Variants in GALK2 observed in about 807,000 individuals in gnomAD.
GALK2 encodes the protein N-acetylgalactosamine kinase.
Under a neutral mutation model 52.4 loss-of-function variants are expected in GALK2, and 36 were observed. That is an observed-to-expected ratio of 0.69 (90% CI 0.53 to 0.91). The LOEUF is 0.91. GALK2 is among the 40% of genes least tolerant of loss of function. The pLI is 0.00. For synonymous variants in GALK2, 176 were observed against 199.1 expected, an observed-to-expected ratio of 0.88 and a Z score of 0.98; for missense variants, 579 against 559.1, an observed-to-expected ratio of 1.04 and a Z score of -0.36.
At chr15:49,278,554 A>G (rs1418244658) in intron 5 of GALK2, among the ~76,000 whole-genome samples, 1 of 152,188 alleles carries the variant, frequency 6.6e-6, no homozygotes, top group Non-Finnish European at 1.5e-5. Flanking sequence ...CTTTTATTTG[A>G]AGTTTTAAAC....
chr15:49,175,597 C>T (rs953825754), intron 1 of GALK2, among the ~76,000 whole-genome samples: 1 of 152,074 alleles, frequency 6.6e-6, no homozygotes, highest in African/African-American at 2.4e-5. Flanking sequence ...TAAGGACATG[C>T]CCTTTTCTAG....
chr15:49,264,384 C>A (rs1010432906), intron 5 of GALK2, among the ~76,000 whole-genome samples: 9 of 152,294 alleles, frequency 5.9e-5, no homozygotes, highest in Non-Finnish European at 1.2e-4. Flanking sequence ...CTTCTGCATT[C>A]TTCACGTAGT....
intron 7 of GALK2, among the ~76,000 whole-genome samples, chr15:49,290,919 ACT>A (rs2033871828): frequency 6.6e-6 from 1 of 151,702 alleles, no homozygotes; most frequent in African/African-American, 2.4e-5. Flanking sequence ...TCAGTTTCCA[ACT>A]CTGTTATTAA....
intron 8 of GALK2, among the ~76,000 whole-genome samples, chr15:49,298,155 A>G (rs1260304481): frequency 6.6e-6 from 1 of 152,038 alleles, no homozygotes; most frequent in East Asian, 1.9e-4. Flanking sequence ...CTATATTCCT[A>G]AGTATTTCAT....
chr15:49,359,157 C>G (rs1216676350), intron 3 of GALK2, among the ~76,000 whole-genome samples: 2 of 150,192 alleles, frequency 1.3e-5, no homozygotes, highest in African/African-American at 4.9e-5. Context: ...CTAGGCATTA[C>G]CATTCAGGAC....
exon 1 of GALK2, chr15:49,155,824 G>C: frequency 2.7e-6 from 2 of 743,302 alleles, no homozygotes; most frequent in East Asian, 2.6e-5. Context: ...ACATCGTCCG[G>C]TGCTGCAGGT....
At chr15:49,217,016 A>G (rs1169259283) in intron 2 of GALK2, among the ~76,000 whole-genome samples, 174 bp from the exon 3 acceptor site, 1 of 152,084 alleles carries the variant, frequency 6.6e-6, no homozygotes, top group Non-Finnish European at 1.5e-5. Context: ...TAGTTGCTCA[A>G]TTTGGTGTAA....
intron 2 of GALK2, among the ~76,000 whole-genome samples, chr15:49,212,082 CTTT>C (rs1278054092): frequency 6.6e-6 from 1 of 151,896 alleles, no homozygotes; most frequent in African/African-American, 2.4e-5. Flanking sequence ...TTTGAATCTT[CTTT>C]ATTTTTTACT....
chr15:49,193,739 T>TA (rs1355768695), intron 1 of GALK2, among the ~76,000 whole-genome samples: 1 of 151,802 alleles, frequency 6.6e-6, no homozygotes, highest in Non-Finnish European at 1.5e-5. Flanking sequence ...TTTTTATTTT[T>TA]TTTTTTGAGA....
At chr15:49,269,219 G>A (rs2029974816) in intron 5 of GALK2, among the ~76,000 whole-genome samples, 1 of 152,194 alleles carries the variant, frequency 6.6e-6, no homozygotes, top group African/African-American at 2.4e-5. Context: ...CTCCCATGGT[G>A]TGTAGCATAG....
intron 3 of GALK2, among the ~76,000 whole-genome samples, chr15:49,341,014 G>A (rs527916506): frequency 6.6e-6 from 1 of 152,136 alleles, no homozygotes; most frequent in East Asian, 1.9e-4. Context: ...CATTTATTGA[G>A]TAGGAAGTCC....
chr15:49,361,026 G>A lies in GALK2; in HGVS notation c.427-6465G>A, dbSNP rs537711952. ...CAATAGAAATATTACCTGTGGGGTT[G>A]CGGAATAGGGAGGTTTTGGTTAAAG... On this transcript the variant is annotated intron_variant, in intron 3 of 3. Coordinates refer to the GALK2 transcript ENST00000558399. Among the ~76,000 whole-genome samples the A allele has an allele frequency of 1.1e-3, 174 of 152,180 alleles. 1 individual carries two copies. Among genetic ancestry groups the A allele is most frequent in the Non-Finnish European group, 1.6e-3 (111 of 68,006 alleles).
At chr15:49,355,506 T>C (rs1596460509) in intron 3 of GALK2, among the ~76,000 whole-genome samples, 1 of 151,810 alleles carries the variant, frequency 6.6e-6, no homozygotes, top group East Asian at 1.9e-4. Context: ...GAAGATGAAA[T>C]GAATGAAATG....
chr15:49,360,772 TAATG>T (rs1275126959), intron 3 of GALK2, among the ~76,000 whole-genome samples: 2 of 152,206 alleles, frequency 1.3e-5, no homozygotes, highest in Non-Finnish European at 2.9e-5. Context: ...AATGTTCTGC[TAATG>T]AATTAGTGTA....
downstream of GALK2, chr15:49,334,217 C>T: frequency 1.0e-6 from 1 of 979,722 alleles, no homozygotes; most frequent in Non-Finnish European, 1.2e-6. Context: ...AAGAGACAAA[C>T]CTATCAAGCT....
chr15:49,177,016 T>C (rs996066095), intron 1 of GALK2, among the ~76,000 whole-genome samples: 1 of 152,128 alleles, frequency 6.6e-6, no homozygotes, highest in African/African-American at 2.4e-5. Context: ...TTTAGAAATT[T>C]GTATTTTTTC....
At chr15:49,351,264 A>G (rs1482892829) in intron 3 of GALK2, among the ~76,000 whole-genome samples, 1 of 152,176 alleles carries the variant, frequency 6.6e-6, no homozygotes, top group Non-Finnish European at 1.5e-5. Context: ...CAATGCAAAA[A>G]TGACTACTAG....
chr15:49,305,320 A>C (rs2035460220), intron 8 of GALK2, among the ~76,000 whole-genome samples: 1 of 152,216 alleles, frequency 6.6e-6, no homozygotes, highest in African/African-American at 2.4e-5. Context: ...ATCATCATTC[A>C]TGTGGCAGGT....
At chr15:49,219,824 T>C (rs1472287521) in intron 3 of GALK2, among the ~76,000 whole-genome samples, 1 of 152,002 alleles carries the variant, frequency 6.6e-6, no homozygotes, top group East Asian at 1.9e-4. Flanking sequence ...AAAAAAGATA[T>C]TTTCTGCTTG....
Sources: allele counts gnomAD v4.1 joint callset (sites outside exome capture counted in the v4.1 genomes callset), GRCh38; gene constraint gnomAD v4.1.1; transcripts MANE v1.5; gene names NCBI Gene and HGNC (gene_info 2026-07-23, HGNC 2026-07-21).